Variants in FGF12 observed in about 807,000 individuals in gnomAD.
FGF12 encodes fibroblast growth factor 12B.
FGF12 carries 14 observed loss-of-function variants against 23.6 expected under a neutral mutation model. The observed-to-expected ratio is 0.59, with a 90% CI of 0.39 to 0.93. The LOEUF (loss-of-function observed/expected upper bound fraction) is 0.93, where lower values mean the gene tolerates loss of function less well. Among genes scored for constraint, FGF12 ranks in the 40% least tolerant of loss-of-function variants. The pLI is 0.00. For missense variants in FGF12, 175 were observed against 217.8 expected, an observed-to-expected ratio of 0.80 and a Z score of 1.24; for synonymous variants, 62 against 77.3, an observed-to-expected ratio of 0.80 and a Z score of 1.04.
intron 2 of FGF12, among the ~76,000 whole-genome samples, chr3:192,684,424 G>GT (rs969729424): frequency 2.5e-4 from 37 of 150,128 alleles, no homozygotes; most frequent in South Asian, 1.9e-3. Context: ...ATCAGGGTTT[G>GT]TTTTTTTTTC....
intron 2 of FGF12, among the ~76,000 whole-genome samples, chr3:192,383,480 G>T (rs78630835): frequency 0.01 from 1,469 of 145,256 alleles, 27 homozygotes; most frequent in African/African-American, 0.036. Context: ...TTTGAGGTCA[G>T]AACTCCCTTA....
chr3:192,335,300 C>A, intron 4 of FGF12, 61 bp downstream of exon 4: 1 of 1,087,072 alleles, frequency 9.2e-7, no homozygotes, highest in South Asian at 1.3e-5. Context: ...GATGGTTACT[C>A]CATTACCTCT....
intron 2 of FGF12, among the ~76,000 whole-genome samples, chr3:192,688,802 A>G (rs888146365): frequency 6.6e-6 from 1 of 152,240 alleles, no homozygotes. Context: ...TGTGTATTGC[A>G]GCAGTATTCA....
intron 2 of FGF12, among the ~76,000 whole-genome samples, chr3:192,445,889 C>G (rs543100817): frequency 6.6e-6 from 1 of 152,174 alleles, no homozygotes; most frequent in Non-Finnish European, 1.5e-5. Flanking sequence ...ACTCAGGCAC[C>G]GTGACTGCAG....
intron 2 of FGF12, among the ~76,000 whole-genome samples, chr3:192,655,914 G>GT (rs1254852803): frequency 2.0e-5 from 3 of 151,942 alleles, no homozygotes; most frequent in Non-Finnish European, 4.4e-5. Context: ...CGAAAGGTCA[G>GT]TGAAGCCATA....
At chr3:192,727,053 C>A in intron 2 of FGF12, 128 bp downstream of exon 2, 1 of 1,173,276 alleles carries the variant, frequency 8.5e-7, no homozygotes. Flanking sequence ...CTGCAATGGA[C>A]ATAGCATCTC....
intron 2 of FGF12, among the ~76,000 whole-genome samples, chr3:192,583,114 A>T (rs1012906995): frequency 3.3e-5 from 5 of 152,090 alleles, no homozygotes; most frequent in Non-Finnish European, 5.9e-5. Flanking sequence ...CCAGTTTCCA[A>T]ATCTTTATTT....
intron 2 of FGF12, among the ~76,000 whole-genome samples, chr3:192,364,183 G>C (rs1718869228): frequency 6.6e-6 from 1 of 152,248 alleles, no homozygotes; most frequent in East Asian, 1.9e-4. Flanking sequence ...TAGAGAAAAG[G>C]GTTCTCAAAT....
chr3:192,423,527 G>A (rs372331566), intron 2 of FGF12, among the ~76,000 whole-genome samples: 3 of 152,102 alleles, frequency 2.0e-5, no homozygotes, highest in East Asian at 3.9e-4. Flanking sequence ...AGACTCTCAT[G>A]ACAAAGATTT....
At chr3:192,589,995 C>A (rs1472055647) in intron 2 of FGF12, among the ~76,000 whole-genome samples, 1 of 151,782 alleles carries the variant, frequency 6.6e-6, no homozygotes, top group Non-Finnish European at 1.5e-5. Context: ...GTTTTTACTA[C>A]TACACAGATG....
At chr3:192,508,314 C>A (rs1724372713) in intron 2 of FGF12, among the ~76,000 whole-genome samples, 1 of 152,194 alleles carries the variant, frequency 6.6e-6, no homozygotes, top group African/African-American at 2.4e-5. Context: ...CATTTAATGG[C>A]ATCAGAAGAA....
At chr3:192,435,503 G>A (rs938526941) in intron 2 of FGF12, among the ~76,000 whole-genome samples, 1 of 152,106 alleles carries the variant, frequency 6.6e-6, no homozygotes, top group African/African-American at 2.4e-5. Flanking sequence ...CGGGAAGTTG[G>A]CGATCCATTT....
At chr3:192,451,114 T>A (rs1051822272) in intron 2 of FGF12, among the ~76,000 whole-genome samples, 1 of 152,218 alleles carries the variant, frequency 6.6e-6, no homozygotes, top group Non-Finnish European at 1.5e-5. Flanking sequence ...GAGCTGTAAG[T>A]TACTCTGGGA....
chr3:192,321,999 C>G (rs1385786590), intron 4 of FGF12, among the ~76,000 whole-genome samples: 3 of 151,822 alleles, frequency 2.0e-5, no homozygotes, highest in Admixed American at 1.3e-4. Flanking sequence ...AAATAAAAAG[C>G]ATCCAAATTG....
chr3:192,679,616 C>T (rs917479143), intron 2 of FGF12, among the ~76,000 whole-genome samples: 2 of 150,384 alleles, frequency 1.3e-5, no homozygotes, highest in Non-Finnish European at 2.9e-5. Context: ...CTCACCGTCC[C>T]CCACCCCAGC....
chr3:192,535,360 T>C lies in FGF12; in HGVS notation c.14-174822A>G, dbSNP rs75424681. The stretch of plus-strand genomic sequence containing the variant: ...AAAACTCCCTTCTTAGGAAGACAGT[T>C]CAATTAAGGGAGAATAGGTCTTCTT... On this transcript the variant is annotated intron_variant, in intron 2 of 5. Coordinates refer to ENST00000445105, the MANE Select transcript of FGF12 (RefSeq NM_004113.6). 4.2e-3 allele frequency among the ~76,000 whole-genome samples: 638 copies of C among 152,264 alleles called. 2 individuals are homozygous for C. The highest frequency in any genetic ancestry group is 6.2e-3 in the Non-Finnish European group (420 of 68,008).
intron 2 of FGF12, among the ~76,000 whole-genome samples, chr3:192,668,783 A>T (rs1716993667): frequency 6.6e-6 from 1 of 152,208 alleles, no homozygotes; most frequent in Non-Finnish European, 1.5e-5. Context: ...AAGCACATGA[A>T]AAAGCTCAGC....
chr3:192,465,632 T>G (rs1722989249), intron 2 of FGF12, among the ~76,000 whole-genome samples: 1 of 152,172 alleles, frequency 6.6e-6, no homozygotes, highest in East Asian at 1.9e-4. Flanking sequence ...AACAATGCGA[T>G]TTATGCTGAA....
intron 4 of FGF12, among the ~76,000 whole-genome samples, chr3:192,272,619 CAAAG>C (rs1713519273): frequency 6.6e-6 from 1 of 152,046 alleles, no homozygotes; most frequent in Non-Finnish European, 1.5e-5. Flanking sequence ...TTGAGTAAAA[CAAAG>C]AAGAAACTGC....
Sources: allele counts gnomAD v4.1 joint callset (sites outside exome capture counted in the v4.1 genomes callset), GRCh38; gene constraint gnomAD v4.1.1; transcripts MANE v1.5; gene names NCBI Gene and HGNC (gene_info 2026-07-23, HGNC 2026-07-21).